The following NR1D2 variants were observed in gnomAD, a reference collection of about 807,000 sequenced individuals.
NR1D2 encodes the protein V-erbA-related protein 1-related.
Under a neutral mutation model 52.2 loss-of-function variants are expected in NR1D2, and 25 were observed. The observed-to-expected ratio is 0.48, with a 90% CI of 0.35 to 0.67. The LOEUF is 0.67. Among genes scored for constraint, NR1D2 ranks in the 30% least tolerant of loss-of-function variants. The pLI, the probability that NR1D2 is intolerant of heterozygous loss-of-function variation, is 0.01. For synonymous variants in NR1D2, 259 were observed against 230.1 expected, an observed-to-expected ratio of 1.13 and a Z score of -1.14; for missense variants, 681 against 707.2, an observed-to-expected ratio of 0.96 and a Z score of 0.42.
rs997599762 is a variant in NR1D2, at chr3:23,945,314, T to G, written c.-265T>G. On this transcript the variant is annotated 5_prime_UTR_variant, in exon 1 of 8. Coordinates refer to ENST00000312521, the MANE Select transcript of NR1D2 (RefSeq NM_005126.5). ...AGCCGCCCTCGCCGCCGCGGTGCGC[T>G]GGCTGCAGGAAGCCGCCGCGCCGCC... is the stretch of plus-strand genomic sequence containing the variant. 1 of 157,754 alleles carries G rather than the reference T, an allele frequency of 6.3e-6. No homozygotes were observed. Among genetic ancestry groups the G allele is most frequent in the Non-Finnish European group, 1.4e-5 (1 of 72,218 alleles). The allele number at this position is 157,754 out of a possible 1,614,324, so 9.8% of individuals were successfully genotyped here.
At position 23,975,876 on chromosome 3, in the gene NR1D2, T is replaced by A. The variant is rs567560827; in HGVS notation, c.1544-1347T>A. Among the ~76,000 whole-genome samples, 3 of 152,380 alleles carry A rather than the reference T, an allele frequency of 2.0e-5. No individual in the cohort carries two copies. In the South Asian group the frequency reaches 6.2e-4, roughly 32 times the overall value. On this transcript the variant is annotated intron_variant, in intron 7 of 7. Coordinates refer to ENST00000312521, the MANE Select transcript of NR1D2 (RefSeq NM_005126.5). ...TTGTTTTAAGTGCTTTCATGGCAAA[T>A]GACCTTTTTCAGCTATCACTTATAA...
rs1559334171 is a variant in NR1D2, at chr3:23,961,978, T to A, written c.519T>A (p.Ala173=). 6.3e-7 allele frequency: 1 copy of A among 1,588,234 alleles called. No individual in the cohort carries two copies. The highest frequency in any genetic ancestry group is 8.6e-7 in the Non-Finnish European group (1 of 1,167,326). The stretch of plus-strand genomic sequence containing the variant: ...GTTAAATATCTTTTTCTTCAATAGC[T>A]GTTCGGTTTGGTCGTATTCCTAAGC... ...KCLSVGMSRD[A]VRFGRIPKRE... The change falls in exon 5 of 8, where the codon GCT becomes GCA. Residue 173 remains alanine, a splice_region_variant and synonymous_variant. Coordinates refer to ENST00000312521, the MANE Select transcript of NR1D2 (RefSeq NM_005126.5).
intron 3 of NR1D2, among the ~76,000 whole-genome samples, chr3:23,959,291 A>C (rs1706175835): frequency 1.3e-5 from 2 of 151,562 alleles, no homozygotes; most frequent in African/African-American, 4.8e-5. Context: ...AGAATCAGTC[A>C]TTCATACTTC....
chr3:23,959,791 C>G lies in NR1D2; in HGVS notation c.493C>G (p.Leu165Val). 1 of 1,613,568 alleles carries G rather than the reference C, an allele frequency of 6.2e-7. No homozygotes were observed. Among genetic ancestry groups the G allele is most frequent in the Non-Finnish European group, 8.5e-7 (1 of 1,179,782 alleles). ...RCQQCRFKKC[L>V]SVGMSRDAVR... is the part of the protein sequence containing the mutation. ...TCAGCAATGTCGCTTCAAAAAGTGTCTGTCTGTTGGAATGTCAAGAGATGG... is the reference window on the plus strand; with the variant it reads ...TCAGCAATGTCGCTTCAAAAAGTGTGTGTCTGTTGGAATGTCAAGAGATGG... Residue 165 changes from leucine (L) to valine (V), a missense_variant, in exon 4 of 8, where the codon CTG becomes GTG. Coordinates refer to ENST00000312521, the MANE Select transcript of NR1D2 (RefSeq NM_005126.5).
chr3:23,962,539 A>G lies in NR1D2; in HGVS notation c.1080A>G (p.Ile360Met), dbSNP rs371437504. 5 of 1,613,670 alleles carry G rather than the reference A, an allele frequency of 3.1e-6. No homozygotes were observed. The African/African-American group carries it at 5.3e-5, about 17-fold the overall frequency. ...YTQRVCDRVP[I>M]DGFSQNENKN... is the part of the protein sequence containing the mutation. ...AAAGAGTATGTGATAGAGTTCCGATAGATGGATTTTCTCAGAATGAGAACA... is the reference window on the plus strand; with the variant it reads ...AAAGAGTATGTGATAGAGTTCCGATGGATGGATTTTCTCAGAATGAGAACA... The change falls in exon 5 of 8, where the codon ATA becomes ATG. Residue 360 changes from isoleucine to methionine, a missense_variant. Ile to Met is a conservative substitution (Grantham distance 10, BLOSUM62 1). Around this residue, in one of 3 missense-constraint regions of NR1D2, gnomAD observed 475 missense variants for 454.5 expected, o/e 1.05. Transcript: ENST00000312521.
rs970385647 is a variant in NR1D2, at chr3:23,980,328, A to G, written c.*2909A>G. 2 of 152,066 alleles carry G rather than the reference A, an allele frequency of 1.3e-5. No individual in the cohort carries two copies. The highest frequency in any genetic ancestry group is 2.9e-5 in the Non-Finnish European group (2 of 67,986). The allele number at this position is 152,066 out of a possible 1,614,324, so 9.4% of individuals were successfully genotyped here. A position where few individuals can be genotyped will look rare whatever the true frequency, so the allele number is the denominator to read the frequency against. On this transcript the variant is annotated 3_prime_UTR_variant, in exon 8 of 8. Transcript: ENST00000312521. ...GTACAAGAAGAGTTTATCACTTAGG[A>G]TATAGAATTTTTTTAGGGGTTGGGG...
chr3:23,946,179 G>T (rs1010344413), intron 1 of NR1D2: 97 of 985,238 alleles, frequency 9.8e-5, no homozygotes, highest in Non-Finnish European at 1.1e-4. Context: ...CGCCCGCTGA[G>T]CCCCCGCGGC....
At chr3:23,959,591 A>C in intron 3 of NR1D2, 80 bp from the exon 4 acceptor site, 1 of 1,355,274 alleles carries the variant, frequency 7.4e-7, no homozygotes, top group Non-Finnish European at 1.0e-6. Context: ...CATATACACT[A>C]GATAGGTATG....
intron 7 of NR1D2, among the ~76,000 whole-genome samples, chr3:23,973,367 T>C (rs1185670485): frequency 6.6e-6 from 1 of 152,242 alleles, no homozygotes; most frequent in Admixed American, 6.5e-5. Context: ...GTTACTAGGG[T>C]ACAAACCTGT....
At chr3:23,963,389 A>C in intron 5 of NR1D2, 1 of 1,256,512 alleles carries the variant, frequency 8.0e-7, no homozygotes, top group Non-Finnish European at 1.0e-6. Context: ...ATCTTCATTA[A>C]AATTTTTGTT....
chr3:23,955,625 C>T (rs1016750917), intron 2 of NR1D2, among the ~76,000 whole-genome samples: 4 of 151,872 alleles, frequency 2.6e-5, no homozygotes, highest in Admixed American at 6.6e-5. Flanking sequence ...CAAGACCAGC[C>T]TGGGCAACAT....
At position 23,953,005 on chromosome 3, in the gene NR1D2, G is replaced by A. The variant is rs1268538440; in HGVS notation, c.17-1532G>A. Among the ~76,000 whole-genome samples the A allele has an allele frequency of 7.9e-5, 12 of 151,054 alleles. No individual in the cohort carries two copies. In the South Asian group the frequency reaches 1.5e-3, roughly 18 times the overall value. On this transcript the variant is annotated intron_variant, in intron 1 of 7. Transcript: ENST00000312521. ...CGGCAATGTCTGTCTTTTTGGGATT[G>A]TTTTGGCCTCAGCATTTTGCTTTGT...
At chr3:23,955,601 G>A (rs568460585) in intron 2 of NR1D2, among the ~76,000 whole-genome samples, 29 of 151,828 alleles carry the variant, frequency 1.9e-4, no homozygotes, top group South Asian at 6.2e-4. Flanking sequence ...TGAGTGGGGC[G>A]GAGTCCAGGA....
intron 1 of NR1D2, among the ~76,000 whole-genome samples, chr3:23,950,906 T>C (rs544376363): frequency 5.4e-4 from 78 of 144,944 alleles, no homozygotes; most frequent in East Asian, 3.7e-3. Context: ...CTTTTTCTTT[T>C]TTTTTTTTTT....
intron 7 of NR1D2, among the ~76,000 whole-genome samples, chr3:23,972,293 T>G (rs1706609465): frequency 6.6e-6 from 1 of 152,254 alleles, no homozygotes. Context: ...TTTTAATTAC[T>G]GGCTAAGCAA....
chr3:23,974,076 C>T (rs1471163597), intron 7 of NR1D2, among the ~76,000 whole-genome samples: 1 of 119,680 alleles, frequency 8.4e-6, no homozygotes, highest in African/African-American at 3.2e-5. Flanking sequence ...CCTGAGGCTG[C>T]TTTACAGTTA....
In NR1D2 at chr3:23,979,559, T is replaced by C. The variant is rs188168460; in HGVS notation, c.*2140T>C. 2 of 152,254 alleles carry C rather than the reference T, an allele frequency of 1.3e-5. No individual in the cohort carries two copies. The highest frequency in any genetic ancestry group is 6.5e-5 in the Admixed American group (1 of 15,300). The allele number at this position is 152,254 out of a possible 1,614,324, so 9.4% of individuals were successfully genotyped here. A position where few individuals can be genotyped will look rare whatever the true frequency, so the allele number is the denominator to read the frequency against. On this transcript the variant is annotated 3_prime_UTR_variant, in exon 8 of 8. Coordinates refer to ENST00000312521, the MANE Select transcript of NR1D2 (RefSeq NM_005126.5). ...TTTAGTTAGGTTCAATATATACATA[T>C]ATACATCTCTATATAGGTATATAGA... is the stretch of plus-strand genomic sequence containing the variant.
chr3:23,946,430 C>G (rs1422759590), intron 1 of NR1D2: 3 of 396,170 alleles, frequency 7.6e-6, no homozygotes, highest in Non-Finnish European at 1.0e-5. Context: ...CGAAGGAGCT[C>G]TGAGGTGCTT....
intron 1 of NR1D2, among the ~76,000 whole-genome samples, chr3:23,952,263 G>A (rs1244033193): frequency 6.6e-6 from 1 of 152,218 alleles, no homozygotes; most frequent in Non-Finnish European, 1.5e-5. Flanking sequence ...CATATGGACA[G>A]TGGGTTTAAC....
Sources: gnomAD v4.1 joint callset for allele counts (sites outside exome capture counted in the v4.1 genomes callset) on GRCh38, gnomAD v4.1.1 for gene constraint, gnomAD v4.1.1 regional missense constraint, MANE v1.5 for transcripts, NCBI Gene and HGNC (gene_info 2026-07-23, HGNC 2026-07-21) for gene names.